The following DGKG variants were observed in gnomAD, a reference collection of about 807,000 sequenced individuals.
DGKG encodes diacylglycerol kinase gamma, also known as DAG kinase gamma.
In DGKG, 78 loss-of-function variants were observed where a neutral mutation model predicts 105.3. The observed-to-expected ratio is 0.74, with a 90% CI of 0.62 to 0.89. The LOEUF is 0.89. DGKG is among the 40% of genes least tolerant of loss of function. The probability of loss-of-function intolerance (pLI) is 0.00; values close to 1 mark genes in which losing one functional copy is unlikely to be tolerated. For synonymous variants in DGKG, 346 were observed against 367.1 expected (o/e 0.94, Z 0.66); for missense variants, 958 against 1,020.1 (o/e 0.94, Z 0.83).
intron 10 of DGKG, among the ~76,000 whole-genome samples, chr3:186,272,749 G>A (rs576383777): frequency 5.3e-5 from 8 of 152,210 alleles, no homozygotes; most frequent in East Asian, 1.9e-4. Flanking sequence ...ATGGTGTTTC[G>A]CTCTTGTTGC....
chr3:186,268,145 A>T (rs1440487995), intron 12 of DGKG, among the ~76,000 whole-genome samples: 1 of 152,164 alleles, frequency 6.6e-6, no homozygotes, highest in Non-Finnish European at 1.5e-5. Flanking sequence ...AAACTCATGG[A>T]TGGCTGAGAG....
intron 20 of DGKG, among the ~76,000 whole-genome samples, chr3:186,241,286 T>C (rs1413718086): frequency 6.6e-6 from 1 of 151,830 alleles, no homozygotes; most frequent in Admixed American, 6.6e-5. Flanking sequence ...TTAAGGACAA[T>C]TCTTGCTTGT....
intron 9 of DGKG, among the ~76,000 whole-genome samples, chr3:186,278,597 G>C (rs1201707071): frequency 6.6e-6 from 1 of 152,170 alleles, no homozygotes; most frequent in African/African-American, 2.4e-5. Flanking sequence ...GAATAAGAAG[G>C]GGGTCATGTA....
intron 21 of DGKG, among the ~76,000 whole-genome samples, chr3:186,191,175 T>C (rs893066337): frequency 6.6e-6 from 1 of 152,082 alleles, no homozygotes; most frequent in African/African-American, 2.4e-5. Context: ...CATAAAACAT[T>C]GTGCCGAGAT....
At chr3:186,208,442 GAA>G (rs11288455) in intron 21 of DGKG, among the ~76,000 whole-genome samples, 1 of 147,858 alleles carries the variant, frequency 6.8e-6, no homozygotes, top group Non-Finnish European at 1.5e-5. Context: ...AAAAAAAGAA[GAA>G]AAAAAAAAGG....
In DGKG at chr3:186,222,580, C is replaced by T. The variant is rs907643968; in HGVS notation, c.1827-10695G>A. ...ACACATGGTCGGGTGCGGTGGCTCACGCCTGTAATCCCAGCACTTTGGGAG... is the reference window on the plus strand; with the variant it reads ...ACACATGGTCGGGTGCGGTGGCTCATGCCTGTAATCCCAGCACTTTGGGAG... On this transcript the variant is annotated intron_variant, in intron 20 of 24. Transcript: ENST00000265022. Among the ~76,000 whole-genome samples, 13 of 152,294 alleles carry T rather than the reference C, an allele frequency of 8.5e-5. No individual in the cohort carries two copies. The Middle Eastern group carries it at 0.01, about 120-fold the overall frequency.
intron 3 of DGKG, among the ~76,000 whole-genome samples, chr3:186,302,566 G>T: frequency 8.7e-6 from 1 of 114,760 alleles, no homozygotes; most frequent in African/African-American, 3.8e-5. Flanking sequence ...ATACACATAT[G>T]TATATATATA....
intron 21 of DGKG, among the ~76,000 whole-genome samples, chr3:186,198,209 A>C (rs1011418885): frequency 6.6e-6 from 1 of 152,176 alleles, no homozygotes; most frequent in Non-Finnish European, 1.5e-5. Flanking sequence ...AGTTCCCCCA[A>C]CCTCTCTGGA....
intron 2 of DGKG, among the ~76,000 whole-genome samples, chr3:186,315,533 AG>A (rs1312983167): frequency 3.9e-5 from 6 of 152,112 alleles, no homozygotes; most frequent in Non-Finnish European, 5.9e-5. Context: ...TTCTCTAGAG[AG>A]GTCTGACGGT....
chr3:186,360,158 G>T (rs1727160821), intron 1 of DGKG, among the ~76,000 whole-genome samples: 1 of 152,114 alleles, frequency 6.6e-6, no homozygotes, highest in Admixed American at 6.5e-5. Context: ...TGTGTGGGGA[G>T]TTGGAGCAGT....
chr3:186,275,997 A>G (rs374277507), intron 9 of DGKG, among the ~76,000 whole-genome samples: 1 of 149,764 alleles, frequency 6.7e-6, no homozygotes, highest in African/African-American at 2.5e-5. Context: ...TCTATCTATT[A>G]TCTATCATCT....
chr3:186,154,290 C>T (rs1715919638), intron 24 of DGKG, among the ~76,000 whole-genome samples: 1 of 152,082 alleles, frequency 6.6e-6, no homozygotes, highest in Non-Finnish European at 1.5e-5. Flanking sequence ...CCGGGCTCTC[C>T]AAGATCCTAG....
At chr3:186,322,420 T>G (rs1725122749) in intron 1 of DGKG, among the ~76,000 whole-genome samples, 1 of 152,132 alleles carries the variant, frequency 6.6e-6, no homozygotes, top group South Asian at 2.1e-4. Context: ...TACTGGGGCC[T>G]ACTTGAAGGT....
At chr3:186,321,280 T>G (rs1184890931) in intron 1 of DGKG, among the ~76,000 whole-genome samples, 1 of 152,192 alleles carries the variant, frequency 6.6e-6, no homozygotes, top group Non-Finnish European at 1.5e-5. Context: ...GAGCCTCTCA[T>G]ACTGTGGGTC....
chr3:186,204,997 A>C (rs1160941701), intron 21 of DGKG, among the ~76,000 whole-genome samples: 1 of 152,044 alleles, frequency 6.6e-6, no homozygotes, highest in Non-Finnish European at 1.5e-5. Context: ...TGGCTCATGC[A>C]TGTAATCCCA....
chr3:186,257,606 G>T (rs1184409493), intron 17 of DGKG, among the ~76,000 whole-genome samples: 1 of 151,670 alleles, frequency 6.6e-6, no homozygotes, highest in Admixed American at 6.6e-5. Flanking sequence ...AGCCATGACA[G>T]ATCTGCTTTA....
At chr3:186,254,504 T>G (rs1402411000) in intron 17 of DGKG, among the ~76,000 whole-genome samples, 1 of 152,170 alleles carries the variant, frequency 6.6e-6, no homozygotes, top group Non-Finnish European at 1.5e-5. Context: ...TGTCTGCCCC[T>G]TCTTCTGTGT....
chr3:186,246,264 G>T (rs759595905), intron 19 of DGKG, among the ~76,000 whole-genome samples: 1 of 152,154 alleles, frequency 6.6e-6, no homozygotes. Context: ...GAGCCCCCAC[G>T]CCTGGCCTGA....
intron 1 of DGKG, among the ~76,000 whole-genome samples, chr3:186,334,580 A>G (rs535773158): frequency 3.4e-4 from 52 of 152,370 alleles, no homozygotes; most frequent in African/African-American, 1.2e-3. Context: ...AGAGGTGTCT[A>G]GAACCCAGTT....
Sources: gnomAD v4.1 joint callset for allele counts (sites outside exome capture counted in the v4.1 genomes callset) on GRCh38, gnomAD v4.1.1 for gene constraint, MANE v1.5 for transcripts, NCBI Gene and HGNC (gene_info 2026-07-23, HGNC 2026-07-21) for gene names.